The following ADGRL3 variants were observed in gnomAD, a reference collection of about 807,000 sequenced individuals.
ADGRL3 encodes adhesion G protein-coupled receptor L3.
A neutral mutation model predicts 153.5 loss-of-function variants in ADGRL3; 62 were observed. The observed-to-expected ratio is 0.40, with a 90% CI of 0.33 to 0.50. The LOEUF is 0.50. ADGRL3 is among the 20% of genes least tolerant of loss of function. ADGRL3 has a pLI of 0.47. For missense variants in ADGRL3, 1,641 were observed against 1,859.4 expected (o/e 0.88, Z 2.16); for synonymous variants, 710 against 672.5 (o/e 1.06, Z -0.86).
chr4:61,401,811 G>T (rs1007166731), intron 2 of ADGRL3, among the ~76,000 whole-genome samples: 1 of 151,970 alleles, frequency 6.6e-6, no homozygotes, highest in African/African-American at 2.4e-5. Context: ...CTAGTAATAG[G>T]TATATTTCTC....
chr4:61,298,427 G>T (rs2094480648), intron 1 of ADGRL3, among the ~76,000 whole-genome samples: 1 of 152,196 alleles, frequency 6.6e-6, no homozygotes, highest in African/African-American at 2.4e-5. Context: ...TCCAGTTTTT[G>T]AATCATTTCA....
At chr4:61,822,018 G>A (rs1449840664) in intron 9 of ADGRL3, among the ~76,000 whole-genome samples, 1 of 152,150 alleles carries the variant, frequency 6.6e-6, no homozygotes, top group Non-Finnish European at 1.5e-5. Flanking sequence ...CATTCTCCTT[G>A]AAGAGTCTGC....
At chr4:61,248,098 T>C (rs1231036515) in intron 1 of ADGRL3, among the ~76,000 whole-genome samples, 1 of 152,144 alleles carries the variant, frequency 6.6e-6, no homozygotes, top group Non-Finnish European at 1.5e-5. Flanking sequence ...AACTGCTCTA[T>C]GTGTGAAATG....
At chr4:61,509,740 G>A (rs1430729364) in intron 3 of ADGRL3, among the ~76,000 whole-genome samples, 1 of 152,046 alleles carries the variant, frequency 6.6e-6, no homozygotes, top group African/African-American at 2.4e-5. Context: ...AAATGCATAT[G>A]TCTTTTTGGT....
chr4:61,455,252 A>G (rs950039791), intron 2 of ADGRL3, among the ~76,000 whole-genome samples: 9 of 152,204 alleles, frequency 5.9e-5, no homozygotes, highest in African/African-American at 2.2e-4. Flanking sequence ...GGAGTGGACA[A>G]ATCAGTGGGA....
chr4:61,667,996 A>T (rs962240872), intron 5 of ADGRL3, among the ~76,000 whole-genome samples: 7 of 151,888 alleles, frequency 4.6e-5, no homozygotes, highest in Admixed American at 2.0e-4. Flanking sequence ...ATGAATAATG[A>T]CCCCCACCCC....
rs116306851 is a variant in ADGRL3 at position 61,584,186 on chromosome 4, A to G, written c.260-3041A>G. 1.2e-3 allele frequency among the ~76,000 whole-genome samples: 188 copies of G among 152,166 alleles called. 1 individual carries two copies. The highest frequency in any genetic ancestry group is 4.3e-3 in the African/African-American group (177 of 41,560). ...TAATGTTATAGAGTAATTTCCAGCC[A>G]TACATTCCCATTAACAAATTCCCGT... is the stretch of plus-strand genomic sequence containing the variant. On this transcript the variant is annotated intron_variant, in intron 4 of 26. Transcript: ENST00000683033.
At chr4:61,256,366 T>TAA (rs2091967627) in intron 1 of ADGRL3, among the ~76,000 whole-genome samples, 1 of 152,206 alleles carries the variant, frequency 6.6e-6, no homozygotes. Context: ...TAGCAGCATT[T>TAA]GTTGGATAAT....
intron 9 of ADGRL3, among the ~76,000 whole-genome samples, chr4:61,847,910 A>T (rs1164171580): frequency 2.9e-4 from 7 of 23,782 alleles, no homozygotes; most frequent in African/African-American, 6.3e-4. Flanking sequence ...ATATAATATA[A>T]AATATATTAT....
At chr4:61,920,555 CA>C (rs1276247406) in intron 13 of ADGRL3, among the ~76,000 whole-genome samples, 1 of 152,064 alleles carries the variant, frequency 6.6e-6, no homozygotes, top group Non-Finnish European at 1.5e-5. Flanking sequence ...TTAAACAAAC[CA>C]GGGCTTTATT....
chr4:61,904,029 G>T (rs554335437), intron 11 of ADGRL3, among the ~76,000 whole-genome samples: 1 of 150,224 alleles, frequency 6.7e-6, no homozygotes, highest in African/African-American at 2.5e-5. Context: ...CTGGCCTCCC[G>T]AAGTGCTGGG....
intron 21 of ADGRL3, among the ~76,000 whole-genome samples, chr4:62,004,650 G>A (rs1450633369): frequency 7.2e-5 from 11 of 151,886 alleles, no homozygotes; most frequent in Admixed American, 6.6e-5. Flanking sequence ...GAGATAGTAC[G>A]TTTAAAAACT....
chr4:62,001,961 C>T (rs985871345), intron 21 of ADGRL3, among the ~76,000 whole-genome samples: 1 of 152,054 alleles, frequency 6.6e-6, no homozygotes, highest in African/African-American at 2.4e-5. Flanking sequence ...GTATTTGTTG[C>T]TTTGATTATA....
At chr4:61,725,919 A>T (rs1013474325) in intron 6 of ADGRL3, among the ~76,000 whole-genome samples, 3 of 152,152 alleles carry the variant, frequency 2.0e-5, no homozygotes, top group Admixed American at 6.5e-5. Flanking sequence ...CTCTTCTCTG[A>T]TGGGAATAAT....
intron 2 of ADGRL3, among the ~76,000 whole-genome samples, chr4:61,451,852 T>C (rs1424784905): frequency 6.6e-6 from 1 of 152,140 alleles, no homozygotes; most frequent in Admixed American, 6.6e-5. Context: ...GGAATAAGAA[T>C]AGAGGTCAGT....
rs1162053394 is a variant in ADGRL3 at position 61,892,805 on chromosome 4, G to A, written c.1630G>A (p.Val544Ile). 24 of 1,613,686 alleles carry A rather than the reference G, an allele frequency of 1.5e-5. No homozygotes were observed. The highest frequency in any genetic ancestry group is 2.0e-5 in the Non-Finnish European group (24 of 1,179,862). The change falls in exon 10 of 27, where the codon GTA becomes ATA. Residue 544 changes from valine (V) to isoleucine (I), a missense_variant. This residue lies in a region of ADGRL3 where 734 missense variants were observed against 797.0 expected (regional missense o/e 0.92). Transcript: ENST00000683033. ...TAGTACCCCATCTCCAGCTGTCGAGGTACTTGATGACATGACCACACACCT... is the reference window on the plus strand; with the variant it reads ...TAGTACCCCATCTCCAGCTGTCGAGATACTTGATGACATGACCACACACCT... ...STSTPSPAVEVLDDMTTHLPS... is the reference protein window; with the variant it reads ...STSTPSPAVEILDDMTTHLPS...
chr4:61,644,890 A>T (rs867365886), intron 5 of ADGRL3, among the ~76,000 whole-genome samples: 5 of 151,746 alleles, frequency 3.3e-5, no homozygotes, highest in Non-Finnish European at 7.4e-5. Context: ...TGGGGTGTTA[A>T]AGTCTCCCAT....
Position 61,851,082 on chromosome 4 carries a change from A to C in ADGRL3, c.1480+37193A>C, listed in dbSNP as rs58223307. ...TAATTGCCTCATATCCATTATTTTT[A>C]AACGTGTAATTTTATTTTTCTATCT... On this transcript the variant is annotated intron_variant, in intron 9 of 26. Coordinates refer to ENST00000683033, the MANE Select transcript of ADGRL3 (RefSeq NM_001387552.1). Among the ~76,000 whole-genome samples the C allele has an allele frequency of 2.4e-3, 343 of 144,314 alleles. 3 individuals are homozygous for C. The highest frequency in any genetic ancestry group is 9.3e-3 in the African/African-American group (332 of 35,798). 94.7% of individuals were successfully genotyped at this position (144,314 alleles called of 152,430 possible).
chr4:61,627,505 C>T (rs2149955512), intron 5 of ADGRL3, among the ~76,000 whole-genome samples: 1 of 152,202 alleles, frequency 6.6e-6, no homozygotes, highest in African/African-American at 2.4e-5. Flanking sequence ...CCTGTGATCC[C>T]AGCTACTCGG....
Sources: gnomAD v4.1 joint callset for allele counts (sites outside exome capture counted in the v4.1 genomes callset) on GRCh38, gnomAD v4.1.1 for gene constraint, gnomAD v4.1.1 regional missense constraint, MANE v1.5 for transcripts, NCBI Gene and HGNC (gene_info 2026-07-23, HGNC 2026-07-21) for gene names.